GTF3C5: variants seen among roughly 807,000 people sequenced by gnomAD.
GTF3C5 encodes general transcription factor 3C polypeptide 5.
A neutral mutation model predicts 61.0 loss-of-function variants in GTF3C5; 47 were observed. That is an observed-to-expected ratio of 0.77 (90% CI 0.61 to 0.98). The LOEUF is 0.98. Ranked by LOEUF, GTF3C5 falls within the 50% of genes least tolerant of loss-of-function variation. The pLI is 0.00. For missense variants in GTF3C5, 659 were observed against 703.3 expected, an observed-to-expected ratio of 0.94 and a Z score of 0.71; for synonymous variants, 295 against 275.4, an observed-to-expected ratio of 1.07 and a Z score of -0.71.
intron 6 of GTF3C5, 125 bp from the exon 7 acceptor site, chr9:133,054,283 C>T (rs892866671): frequency 1.3e-6 from 1 of 741,672 alleles, no homozygotes; most frequent in South Asian, 1.6e-5. Flanking sequence ...GCGTGCTTGG[C>T]AGTCTGGGGT....
chr9:133,054,914 C>A lies in GTF3C5; in HGVS notation c.1167+105C>A, dbSNP rs1420547197. Reference sequence around the variant, plus strand: ...GCTGTGATTAGGGCAGCTCTGCCCACCGGGGCCTCGGCACCTTGCTTCCTT... The same window carrying A: ...GCTGTGATTAGGGCAGCTCTGCCCAACGGGGCCTCGGCACCTTGCTTCCTT... On this transcript the variant is annotated intron_variant, in intron 8 of 10. Transcript: ENST00000372097. 17 of 1,544,190 alleles carry A rather than the reference C, an allele frequency of 1.1e-5. No individual in the cohort carries two copies. In the Admixed American group the frequency reaches 2.0e-4, roughly 18 times the overall value.
intron 2 of GTF3C5, 46 bp from the exon 3 acceptor site, chr9:133,043,682 C>G: frequency 6.7e-7 from 1 of 1,488,130 alleles, no homozygotes. Flanking sequence ...TGGCAGCTGC[C>G]CATTCCTGGA....
At chr9:133,046,295 A>C (rs544992195) in intron 3 of GTF3C5, among the ~76,000 whole-genome samples, 80 of 152,270 alleles carry the variant, frequency 5.3e-4, no homozygotes, top group African/African-American at 1.9e-3. Context: ...ACACCACTGC[A>C]CTCCAGCCTG....
In GTF3C5 at chr9:133,043,761, C is replaced by T. The variant is rs764314909; in HGVS notation, c.407C>T (p.Thr136Met). ...GACTTCCAGTACTTGGCTGTGCATA[C>T]GGAAGCAGGCGGCAAGCATACGTCA... Reference protein sequence around the residue: ...MSDFQYLAVHTEAGGKHTSMY... With the variant: ...MSDFQYLAVHMEAGGKHTSMY... Residue 136 changes from threonine (T) to methionine (M), a missense_variant, in exon 3 of 11, where the codon ACG becomes ATG. Coordinates refer to ENST00000372097, the MANE Select transcript of GTF3C5 (RefSeq NM_012087.4). The T allele has an allele frequency of 1.6e-5, 26 of 1,614,018 alleles. No individual in the cohort carries two copies. Among genetic ancestry groups the T allele is most frequent in the African/African-American group, 5.3e-5 (4 of 74,916 alleles).
intron 5 of GTF3C5, 54 bp from the exon 6 acceptor site, chr9:133,053,774 C>T: frequency 8.4e-7 from 1 of 1,195,426 alleles, no homozygotes; most frequent in Non-Finnish European, 1.2e-6. Flanking sequence ...TCTGGCCCGT[C>T]CAGGGACCTG....
At chr9:133,034,160 T>A (rs564256772) in intron 1 of GTF3C5, among the ~76,000 whole-genome samples, 1 of 152,258 alleles carries the variant, frequency 6.6e-6, no homozygotes, top group African/African-American at 2.4e-5. Flanking sequence ...TACAATTTGG[T>A]GGAGTGGAGC....
At chr9:133,055,818 C>T in intron 8 of GTF3C5, 194 bp from the exon 9 acceptor site, 1 of 1,398,546 alleles carries the variant, frequency 7.2e-7, no homozygotes, top group Non-Finnish European at 9.3e-7. Flanking sequence ...CTGCCTCTCC[C>T]AGAGCCTCCT....
intron 3 of GTF3C5, among the ~76,000 whole-genome samples, chr9:133,046,800 C>T (rs1031576480): frequency 6.6e-6 from 1 of 152,132 alleles, no homozygotes; most frequent in African/African-American, 2.4e-5. Context: ...GGAGCTGAGA[C>T]AGAGCCAGCC....
In GTF3C5 at chr9:133,054,756, C is replaced by A; in HGVS notation, c.1114C>A (p.Pro372Thr). Residue 372 changes from proline to threonine, a missense_variant, in exon 8 of 11, where the codon CCG (proline) becomes ACG (threonine). Coordinates refer to ENST00000372097, the MANE Select transcript of GTF3C5 (RefSeq NM_012087.4). ...GCATGACCTGAAGCAGGGCCTGGGCCCGTCGGGGACGAGTGGTGCTCGGAA... is the reference window on the plus strand; with the variant it reads ...GCATGACCTGAAGCAGGGCCTGGGCACGTCGGGGACGAGTGGTGCTCGGAA... ...TMHDLKQGLG[P>T]SGTSGARKPA... 6.3e-7 allele frequency: 1 copy of A among 1,584,890 alleles called. No individual in the cohort carries two copies. Among genetic ancestry groups the A allele is most frequent in the Non-Finnish European group, 8.6e-7 (1 of 1,165,974 alleles).
In GTF3C5 at chr9:133,057,819, T is replaced by C. The variant is rs111893665; in HGVS notation, c.1399T>C (p.Phe467Leu). 3.0e-3 allele frequency: 4,826 copies of C among 1,602,756 alleles called. 12 individuals carry two copies. The highest frequency in any genetic ancestry group is 3.7e-3 in the Non-Finnish European group (4,354 of 1,173,944). Residue 467 changes from phenylalanine (F) to leucine (L), a missense_variant, in exon 11 of 11, where the codon TTT becomes CTT. By Grantham distance (22) the Phe-to-Leu change is conservative (BLOSUM62 0). Coordinates refer to ENST00000372097, the MANE Select transcript of GTF3C5 (RefSeq NM_012087.4). Reference protein sequence around the residue: ...QTIRSKRPALFSSSAKADGGK... With the variant: ...QTIRSKRPALLSSSAKADGGK... Reference sequence around the variant, plus strand: ...CTTGTCTCCTCCGGCCCCAGCTCTCTTTTCCAGCTCAGCCAAGGCTGATGG... The same window carrying C: ...CTTGTCTCCTCCGGCCCCAGCTCTCCTTTCCAGCTCAGCCAAGGCTGATGG...
chr9:133,035,630 C>T (rs1286232807), intron 1 of GTF3C5, among the ~76,000 whole-genome samples: 1 of 152,078 alleles, frequency 6.6e-6, no homozygotes, highest in Admixed American at 6.5e-5. Context: ...ATTAATTTCC[C>T]TTTTTCAGTG....
In GTF3C5 at chr9:133,058,218, C is replaced by T; in HGVS notation, c.*238C>T. 1 of 1,262,098 alleles carries T rather than the reference C, an allele frequency of 7.9e-7. No individual in the cohort carries two copies. The highest frequency in any genetic ancestry group is 1.0e-6 in the Non-Finnish European group (1 of 990,060). 78.2% of individuals were successfully genotyped at this position (1,262,098 alleles called of 1,614,324 possible). A position where few individuals can be genotyped will look rare whatever the true frequency, so the allele number is the denominator to read the frequency against. On this transcript the variant is annotated 3_prime_UTR_variant, in exon 11 of 11. Coordinates refer to ENST00000372097, the MANE Select transcript of GTF3C5 (RefSeq NM_012087.4). ...CCCCAAAGGGTATACCCTGGCTCTG[C>T]CACCCATGAACCAGCCCAGCATCCA...
At chr9:133,033,561 GGATAGCCCT>G (rs1247842579) in intron 1 of GTF3C5, among the ~76,000 whole-genome samples, 3 of 152,198 alleles carry the variant, frequency 2.0e-5, no homozygotes, top group Non-Finnish European at 2.9e-5. Context: ...GACAGAAGCT[GGATAGCCCT>G]CAGGGGCTGA....
intron 4 of GTF3C5, among the ~76,000 whole-genome samples, chr9:133,051,776 G>A (rs1346802542): frequency 3.3e-5 from 5 of 152,188 alleles, no homozygotes; most frequent in Admixed American, 6.5e-5. Flanking sequence ...ACTCCCCACC[G>A]CGCTGTGGGC....
At position 133,057,865 on chromosome 9, in the gene GTF3C5, A is replaced by C. The variant is rs778502651; in HGVS notation, c.1445A>C (p.Tyr482Ser). Residue 482 changes from tyrosine (Y) to serine (S), a missense_variant, in exon 11 of 11, where the codon TAC (tyrosine) becomes TCC (serine). By Grantham distance (144) the Tyr-to-Ser change is moderately radical (BLOSUM62 -2). Transcript: ENST00000372097. The stretch of plus-strand genomic sequence containing the variant: ...GATGGCGGAAAAGAGCAGCTGACGT[A>C]CGAGTCTGGGGAAGACGAGGAGGAT... ...KADGGKEQLT[Y>S]ESGEDEEDEE... 1.2e-6 allele frequency: 2 copies of C among 1,613,642 alleles called. No individual in the cohort carries two copies. Among genetic ancestry groups the C allele is most frequent in the Non-Finnish European group, 1.7e-6 (2 of 1,179,910 alleles).
intron 1 of GTF3C5, among the ~76,000 whole-genome samples, chr9:133,031,647 A>G (rs1001612116): frequency 2.0e-5 from 3 of 152,208 alleles, no homozygotes; most frequent in East Asian, 1.9e-4. Context: ...ATTTCCTTCT[A>G]TAGAAGGGTG....
intron 1 of GTF3C5, among the ~76,000 whole-genome samples, chr9:133,038,452 T>C (rs1036953699): frequency 7.1e-6 from 1 of 141,232 alleles, no homozygotes; most frequent in Non-Finnish European, 1.5e-5. Context: ...CCTAGGAGCT[T>C]TTTTTTTTTT....
Position 133,056,106 on chromosome 9 carries a change from A to G in GTF3C5, c.1250+12A>G, listed in dbSNP as rs1217214681. The G allele has an allele frequency of 1.2e-5, 20 of 1,611,166 alleles. No homozygotes were observed. The highest frequency in any genetic ancestry group is 1.7e-5 in the Non-Finnish European group (20 of 1,177,614). Reference sequence around the variant, plus strand: ...TTGAATGTGGAAGAGTACGTATGGGAGGGGCCCTGAGACACTGAGGGGGGC... The same window carrying G: ...TTGAATGTGGAAGAGTACGTATGGGGGGGGCCCTGAGACACTGAGGGGGGC... On this transcript the variant is annotated intron_variant, in intron 9 of 10. Coordinates refer to ENST00000372097, the MANE Select transcript of GTF3C5 (RefSeq NM_012087.4).
chr9:133,038,510 G>A (rs1396909531), intron 1 of GTF3C5, among the ~76,000 whole-genome samples: 1 of 150,754 alleles, frequency 6.6e-6, no homozygotes, highest in African/African-American at 2.4e-5. Context: ...GAGTGCAGTG[G>A]CGCGATCTCG....
Sources: gnomAD v4.1 joint callset for allele counts (sites outside exome capture counted in the v4.1 genomes callset) on GRCh38, gnomAD v4.1.1 for gene constraint, MANE v1.5 for transcripts, NCBI Gene and HGNC (gene_info 2026-07-23, HGNC 2026-07-21) for gene names.